AQR: variants seen among roughly 807,000 people sequenced by gnomAD.
The protein encoded by AQR is aquarius intron-binding spliceosomal factor, also known as RNA helicase aquarius.
In AQR, 61 loss-of-function variants were observed where a neutral mutation model predicts 180.5. The observed-to-expected ratio is 0.34, with a 90% CI of 0.28 to 0.42. The LOEUF (loss-of-function observed/expected upper bound fraction) is 0.42, where lower values mean the gene tolerates loss of function less well. Ranked by LOEUF, AQR falls within the 10% of genes least tolerant of loss-of-function variation. The pLI is 1.00. For synonymous variants in AQR, 551 were observed against 588.8 expected (o/e 0.94, Z 0.93); for missense variants, 1,281 against 1,798.3 (o/e 0.71, Z 5.20).
chr15:34,859,427 G>C (rs997068896), intron 34 of AQR, among the ~76,000 whole-genome samples: 3 of 152,166 alleles, frequency 2.0e-5, no homozygotes, highest in Non-Finnish European at 4.4e-5. Context: ...GTAGCAACTA[G>C]AACTCTCACA....
chr15:34,891,303 A>G (rs1893144093), intron 23 of AQR, among the ~76,000 whole-genome samples: 1 of 152,174 alleles, frequency 6.6e-6, no homozygotes, highest in Non-Finnish European at 1.5e-5. Flanking sequence ...CAAGAACCAC[A>G]TAGATTGAAT....
chr15:34,940,485 G>A (rs967342139), intron 8 of AQR, among the ~76,000 whole-genome samples: 1 of 152,102 alleles, frequency 6.6e-6, no homozygotes, highest in African/African-American at 2.4e-5. Flanking sequence ...AGCCACAGTC[G>A]CACTATTGCA....
chr15:34,870,957 T>C (rs754795391), intron 30 of AQR, 35 bp from the exon 31 acceptor site: 1 of 1,578,726 alleles, frequency 6.3e-7, no homozygotes, highest in African/African-American at 1.4e-5. Context: ...GTGCATTCAT[T>C]TGCTTTTGTT....
chr15:34,939,903 C>T (rs1893997884), intron 8 of AQR, among the ~76,000 whole-genome samples: 1 of 152,168 alleles, frequency 6.6e-6, no homozygotes, highest in Non-Finnish European at 1.5e-5. Context: ...GGTGAAGTAA[C>T]TTGCCCAAAG....
At chr15:34,893,623 A>T in intron 23 of AQR, 40 bp downstream of exon 23, 1 of 1,440,552 alleles carries the variant, frequency 6.9e-7, no homozygotes, top group Non-Finnish European at 9.5e-7. Flanking sequence ...ACACACACAC[A>T]CACACACACA....
intron 18 of AQR, 152 bp downstream of exon 18, chr15:34,906,393 T>G: frequency 1.2e-6 from 1 of 842,202 alleles, no homozygotes; most frequent in Non-Finnish European, 1.8e-6. Flanking sequence ...AACTGCACGG[T>G]AGGTACCCTA....
At chr15:34,957,722 T>TA (rs200338616) in intron 3 of AQR, among the ~76,000 whole-genome samples, 25 of 58,454 alleles carry the variant, frequency 4.3e-4, no homozygotes, top group Non-Finnish European at 1.2e-3. Flanking sequence ...AAAAAAAACA[T>TA]AAAAATAATA....
chr15:34,925,594 T>C (rs1018703501), intron 13 of AQR, among the ~76,000 whole-genome samples: 3 of 146,620 alleles, frequency 2.0e-5, no homozygotes, highest in Middle Eastern at 4.2e-3. Context: ...TAATCCCAGC[T>C]CTTTGGGAGG....
At chr15:34,930,831 TTTTTTTTTTTTTTTTTTTG>T (rs200309430) in intron 11 of AQR, among the ~76,000 whole-genome samples, 83,819 of 132,710 alleles carry the variant, frequency 0.63, 25,923 homozygotes, top group South Asian at 0.76. Context: ...TTTTTTTTTT[TTTTTTTTTTTTTTTTTTTG>T]GTCTGAGACG....
chr15:34,962,575 C>A (rs2050285929), intron 2 of AQR, among the ~76,000 whole-genome samples: 1 of 151,952 alleles, frequency 6.6e-6, no homozygotes, highest in African/African-American at 2.4e-5. Context: ...TTGAGACCAG[C>A]CTGGCCAACA....
chr15:34,943,273 T>G (rs1481936901), intron 6 of AQR: 1 of 1,594,130 alleles, frequency 6.3e-7, no homozygotes, highest in Admixed American at 1.7e-5. Flanking sequence ...ACTACAAAGA[T>G]TGTGCTAAGG....
chr15:34,947,630 T>C (rs1894150920), intron 5 of AQR, among the ~76,000 whole-genome samples: 1 of 151,898 alleles, frequency 6.6e-6, no homozygotes, highest in South Asian at 2.1e-4. Context: ...TTGAACATTA[T>C]ATACTTGTGC....
intron 22 of AQR, among the ~76,000 whole-genome samples, chr15:34,895,601 AT>A (rs1363531581): frequency 6.6e-6 from 1 of 152,194 alleles, no homozygotes; most frequent in African/African-American, 2.4e-5. Context: ...ACTTCCATCA[AT>A]GAAGACAGAC....
At chr15:34,871,272 C>T (rs1892812357) in intron 30 of AQR, among the ~76,000 whole-genome samples, 1 of 152,018 alleles carries the variant, frequency 6.6e-6, no homozygotes. Context: ...TTGGGGAGGC[C>T]AAGGCAGACA....
In AQR at chr15:34,867,914, G is replaced by C; in HGVS notation, c.3769-305C>G. On this transcript the variant is annotated intron_variant, in intron 31 of 34. Transcript: ENST00000156471. ...TAGATTGCAAAACTTCATGAAAGCA[G>C]AGACTATGTCTAGCTTATTAACTGG... 1.2e-5 allele frequency: 3 copies of C among 244,736 alleles called. No individual in the cohort carries two copies. In the South Asian group the frequency reaches 1.9e-4, roughly 15 times the overall value. 15.2% of individuals were successfully genotyped at this position (244,736 alleles called of 1,614,324 possible). A position where few individuals can be genotyped will look rare whatever the true frequency, so the allele number is the denominator to read the frequency against.
At chr15:34,872,683 T>C (rs368121300) in intron 30 of AQR, among the ~76,000 whole-genome samples, 29 of 152,130 alleles carry the variant, frequency 1.9e-4, no homozygotes, top group South Asian at 1.0e-3. Flanking sequence ...ACAAATAGAG[T>C]AACTTGATTT....
At chr15:34,915,205 T>G in intron 15 of AQR, 26 bp from the exon 16 acceptor site, 1 of 1,552,620 alleles carries the variant, frequency 6.4e-7, no homozygotes, top group South Asian at 1.2e-5. Flanking sequence ...ACATCCATAT[T>G]TCAATTTTTT....
chr15:34,910,049 A>G, intron 17 of AQR, 86 bp downstream of exon 17: 1 of 1,458,492 alleles, frequency 6.9e-7, no homozygotes, highest in South Asian at 1.2e-5. Flanking sequence ...AAAGGATAAC[A>G]TTTAGTAAAA....
chr15:34,920,453 T>C lies in AQR; in HGVS notation c.1119-19A>G. 6.4e-7 allele frequency: 1 copy of C among 1,551,734 alleles called. No individual in the cohort carries two copies. The highest frequency in any genetic ancestry group is 1.4e-5 in the African/African-American group (1 of 73,166). On this transcript the variant is annotated intron_variant, in intron 13 of 34. Transcript: ENST00000156471. ...GTTTGAACTGCAGAATAGAGAACAA[T>C]ATTTTATTCATAGTAACTTACTTCA...
Sources: gnomAD v4.1 joint callset for allele counts (sites outside exome capture counted in the v4.1 genomes callset) on GRCh38, gnomAD v4.1.1 for gene constraint, MANE v1.5 for transcripts, NCBI Gene and HGNC (gene_info 2026-07-23, HGNC 2026-07-21) for gene names.